The following PARD3B variants were observed in gnomAD, a reference collection of about 807,000 sequenced individuals.
PARD3B encodes partitioning defective 3 homolog B.
PARD3B carries 103 observed loss-of-function variants against 130.2 expected under a neutral mutation model. That is an observed-to-expected ratio of 0.79 (90% CI 0.67 to 0.93). The LOEUF (loss-of-function observed/expected upper bound fraction) is 0.93. PARD3B is among the 40% of genes least tolerant of loss of function. The pLI is 0.00. For missense variants in PARD3B, 1,609 were observed against 1,499.2 expected, an observed-to-expected ratio of 1.07 and a Z score of -1.21; for synonymous variants, 583 against 553.2, an observed-to-expected ratio of 1.05 and a Z score of -0.76.
chr2:205,569,853 T>C (rs1443831239), intron 22 of PARD3B, among the ~76,000 whole-genome samples: 2 of 152,156 alleles, frequency 1.3e-5, no homozygotes, highest in Non-Finnish European at 2.9e-5. Context: ...ATATATGCTC[T>C]TCTCCTTGAT....
intron 18 of PARD3B, among the ~76,000 whole-genome samples, chr2:205,388,406 A>C (rs1243814668): frequency 6.6e-6 from 1 of 152,198 alleles, no homozygotes; most frequent in African/African-American, 2.4e-5. Context: ...ACAAGCAAAT[A>C]GGAGGCTGAT....
intron 16 of PARD3B, among the ~76,000 whole-genome samples, chr2:205,272,808 G>A (rs971988797): frequency 1.3e-5 from 2 of 152,126 alleles, no homozygotes; most frequent in African/African-American, 4.8e-5. Flanking sequence ...AACCTCAGAT[G>A]CTTCATCCGT....
rs2052567887 is a variant in PARD3B at position 205,550,465 on chromosome 2, G to A, written c.3181-2859G>A. Reference sequence around the variant, plus strand: ...ACAAAGATATACACAATTAGTGAAGGACAGAATAATTTCTTATGTGCAAGC... The same window carrying A: ...ACAAAGATATACACAATTAGTGAAGAACAGAATAATTTCTTATGTGCAAGC... On this transcript the variant is annotated intron_variant, in intron 21 of 22. Transcript: ENST00000406610. This position sits in a 1 kb window ranked among gnomAD's most constrained non-coding sequence, Gnocchi z 4.5. Among the ~76,000 whole-genome samples the A allele has an allele frequency of 6.6e-6, 1 of 152,174 alleles. No homozygotes were observed. The highest frequency in any genetic ancestry group is 2.4e-5 in the African/African-American group (1 of 41,436).
At chr2:204,918,693 A>G (rs1179266674) in intron 2 of PARD3B, among the ~76,000 whole-genome samples, 3 of 152,108 alleles carry the variant, frequency 2.0e-5, no homozygotes, top group East Asian at 3.9e-4. Flanking sequence ...TAAAATTTGC[A>G]AAGGTTATAG....
chr2:204,721,091 A>G (rs552106188), intron 2 of PARD3B, among the ~76,000 whole-genome samples: 1 of 152,296 alleles, frequency 6.6e-6, no homozygotes, highest in South Asian at 2.1e-4. Flanking sequence ...CCTCGCTGCA[A>G]AGCAGGGTGG....
intron 4 of PARD3B, among the ~76,000 whole-genome samples, chr2:205,057,660 C>CAT (rs79214682): frequency 1.5e-4 from 12 of 77,966 alleles, no homozygotes; most frequent in East Asian, 3.6e-4. Context: ...TGTATACGTA[C>CAT]ATATACATAT....
At chr2:205,466,124 C>A (rs1177150506) in intron 20 of PARD3B, among the ~76,000 whole-genome samples, 1 of 152,204 alleles carries the variant, frequency 6.6e-6, no homozygotes, top group Non-Finnish European at 1.5e-5. Flanking sequence ...TTCTAATAAG[C>A]TCCCAGGTGA....
intron 3 of PARD3B, among the ~76,000 whole-genome samples, chr2:204,985,899 G>A (rs753890244): frequency 5.9e-5 from 9 of 152,080 alleles, no homozygotes; most frequent in Admixed American, 1.3e-4. Context: ...TCAGGAGCTC[G>A]AGACCAGCCT....
intron 2 of PARD3B, among the ~76,000 whole-genome samples, chr2:204,918,498 C>G (rs1575302785): frequency 6.6e-6 from 1 of 150,864 alleles, no homozygotes; most frequent in Non-Finnish European, 1.5e-5. Flanking sequence ...GGCGTAGTGG[C>G]GGGCGCCTGT....
intron 15 of PARD3B, among the ~76,000 whole-genome samples, chr2:205,225,604 CAT>C (rs1420553745): frequency 6.6e-6 from 1 of 152,166 alleles, no homozygotes; most frequent in African/African-American, 2.4e-5. Flanking sequence ...TTAATTAACT[CAT>C]AGTTCTGCAG....
chr2:204,566,131 A>G (rs997892204), intron 1 of PARD3B, among the ~76,000 whole-genome samples: 5 of 152,246 alleles, frequency 3.3e-5, no homozygotes, highest in African/African-American at 4.8e-5. Flanking sequence ...AGGATAAACC[A>G]TGAGATTCCA....
chr2:205,023,879 G>A (rs1007769475), intron 3 of PARD3B, among the ~76,000 whole-genome samples: 1 of 152,008 alleles, frequency 6.6e-6, no homozygotes, highest in African/African-American at 2.4e-5. Context: ...GCATCTACTT[G>A]ATTTGCTGTT....
At chr2:205,127,983 A>G (rs1056122030) in intron 10 of PARD3B, among the ~76,000 whole-genome samples, 7 of 152,216 alleles carry the variant, frequency 4.6e-5, no homozygotes, top group African/African-American at 9.6e-5. Flanking sequence ...AAAAGAAACA[A>G]TAAAAAGGGG....
rs1049673875 is a variant in PARD3B, at chr2:205,011,268, C to T, written c.395-36313C>T. 3.3e-5 allele frequency among the ~76,000 whole-genome samples: 5 copies of T among 152,128 alleles called. No homozygotes were observed. Among genetic ancestry groups the T allele is most frequent in the Admixed American group, 6.5e-5 (1 of 15,278 alleles). The stretch of plus-strand genomic sequence containing the variant: ...ATGGCTTAGCTTGGTGATTCTGGCT[C>T]GGGGTTTCCCAAGAGTCTGTAGCCA... On this transcript the variant is annotated intron_variant, in intron 3 of 22. Transcript: ENST00000406610. This position sits in a 1 kb window ranked among gnomAD's most constrained non-coding sequence, Gnocchi z 4.1.
chr2:205,549,389 T>C (rs1018408081), intron 21 of PARD3B, among the ~76,000 whole-genome samples: 8 of 152,190 alleles, frequency 5.3e-5, no homozygotes, highest in African/African-American at 1.9e-4. Context: ...GCAACTAAGA[T>C]GTATTTTAGT....
chr2:205,282,069 A>G (rs2041211647), intron 16 of PARD3B, among the ~76,000 whole-genome samples: 1 of 152,116 alleles, frequency 6.6e-6, no homozygotes, highest in Non-Finnish European at 1.5e-5. Context: ...AAAAACTCTT[A>G]ATACAGCATT....
At chr2:204,696,674 T>C (rs547201454) in intron 2 of PARD3B, among the ~76,000 whole-genome samples, 1 of 152,260 alleles carries the variant, frequency 6.6e-6, no homozygotes, top group East Asian at 1.9e-4. Flanking sequence ...TTGAAAGTCC[T>C]ATAAGTATTT....
chr2:204,777,081 T>G (rs1220838295), intron 2 of PARD3B, among the ~76,000 whole-genome samples: 1 of 152,198 alleles, frequency 6.6e-6, no homozygotes, highest in Non-Finnish European at 1.5e-5. Context: ...TCATTCCTGT[T>G]GTAGATAAAG....
In PARD3B at chr2:205,403,642, C is replaced by T. The variant is rs537499372; in HGVS notation, c.2741+2519C>T. 1.1e-4 allele frequency among the ~76,000 whole-genome samples: 17 copies of T among 152,290 alleles called. No homozygotes were observed. The South Asian group carries it at 3.3e-3, about 30-fold the overall frequency. ...GTTAAAAATGAAGATTCCTGAGCCC[C>T]ATACCAGACTTACAGAATCAGAACC... On this transcript the variant is annotated intron_variant, in intron 19 of 22. Transcript: ENST00000406610.
Sources: gnomAD v4.1 joint callset for allele counts (sites outside exome capture counted in the v4.1 genomes callset) on GRCh38, gnomAD v4.1.1 for gene constraint, Gnocchi (gnomAD v3.1) non-coding constraint, MANE v1.5 for transcripts, NCBI Gene and HGNC (gene_info 2026-07-23, HGNC 2026-07-21) for gene names.